Variants in GPC6 observed in about 807,000 individuals in gnomAD.
GPC6 encodes the protein glypican 6.
In GPC6, 14 loss-of-function variants were observed where a neutral mutation model predicts 55.2. The ratio of observed to expected loss-of-function variants is 0.25; its 90% confidence interval spans 0.17 to 0.40. The LOEUF is 0.40. GPC6 is among the 10% of genes least tolerant of loss of function. GPC6 has a pLI of 1.00. For synonymous variants in GPC6, 278 were observed against 259.6 expected (o/e 1.07, Z -0.68); for missense variants, 641 against 708.5 (o/e 0.90, Z 1.08).
At chr13:93,743,391 A>G (rs1420603809) in intron 2 of GPC6, among the ~76,000 whole-genome samples, 2 of 152,226 alleles carry the variant, frequency 1.3e-5, no homozygotes, top group Non-Finnish European at 2.9e-5. Context: ...GGCCAATACT[A>G]TTCATCCTAA....
At chr13:94,252,874 C>T (rs1328180791) in intron 4 of GPC6, among the ~76,000 whole-genome samples, 1 of 151,662 alleles carries the variant, frequency 6.6e-6, no homozygotes, top group Non-Finnish European at 1.5e-5. Context: ...TCTAGAAACC[C>T]CAAGCCTGCT....
intron 2 of GPC6, among the ~76,000 whole-genome samples, chr13:93,713,973 A>G (rs544932098): frequency 2.6e-5 from 4 of 152,028 alleles, no homozygotes; most frequent in Non-Finnish European, 5.9e-5. Flanking sequence ...ACCTCAAACT[A>G]TAAGAACCCT....
At chr13:94,239,338 C>G (rs974110730) in intron 4 of GPC6, among the ~76,000 whole-genome samples, 3 of 152,062 alleles carry the variant, frequency 2.0e-5, no homozygotes, top group African/African-American at 7.2e-5. Flanking sequence ...GTCATTGTCA[C>G]GAGCAAAGGA....
At chr13:93,592,328 G>A (rs759745036) in intron 2 of GPC6, among the ~76,000 whole-genome samples, 2 of 149,276 alleles carry the variant, frequency 1.3e-5, no homozygotes, top group Non-Finnish European at 3.0e-5. Flanking sequence ...GGGATTACAG[G>A]CGTGCGCCCC....
intron 2 of GPC6, among the ~76,000 whole-genome samples, chr13:93,800,735 G>T (rs1417511127): frequency 6.6e-6 from 1 of 152,110 alleles, no homozygotes; most frequent in Non-Finnish European, 1.5e-5. Flanking sequence ...AAAATGTTTT[G>T]TTAAAATAAA....
chr13:94,358,689 G>C (rs76578200), intron 6 of GPC6, among the ~76,000 whole-genome samples: 1 of 152,164 alleles, frequency 6.6e-6, no homozygotes, highest in East Asian at 1.9e-4. Flanking sequence ...TCTGTACTGA[G>C]AGCACATTGT....
At chr13:93,315,432 CATT>C (rs1196655891) in intron 1 of GPC6, among the ~76,000 whole-genome samples, 1 of 151,750 alleles carries the variant, frequency 6.6e-6, no homozygotes, top group East Asian at 1.9e-4. Context: ...CAATTATATT[CATT>C]ATTTATTTTG....
chr13:93,643,470 A>C (rs1880046278), intron 2 of GPC6, among the ~76,000 whole-genome samples: 1 of 152,158 alleles, frequency 6.6e-6, no homozygotes, highest in Non-Finnish European at 1.5e-5. Context: ...CCAAAGCTAA[A>C]TGCTTATATA....
intron 2 of GPC6, among the ~76,000 whole-genome samples, chr13:93,596,113 T>C (rs752190978): frequency 7.9e-5 from 12 of 152,168 alleles, no homozygotes; most frequent in Admixed American, 2.0e-4. Context: ...GGTTAATCTT[T>C]GCCCAATTCT....
intron 3 of GPC6, among the ~76,000 whole-genome samples, chr13:93,890,625 G>A (rs893190813): frequency 3.3e-5 from 5 of 151,704 alleles, no homozygotes; most frequent in African/African-American, 4.8e-5. Context: ...TGATTTCTAT[G>A]CATGATATAC....
chr13:93,797,703 T>C (rs1886242534), intron 2 of GPC6, among the ~76,000 whole-genome samples: 1 of 152,034 alleles, frequency 6.6e-6, no homozygotes, highest in Non-Finnish European at 1.5e-5. Flanking sequence ...AGAGAGAAAG[T>C]AAATGGGGAA....
At chr13:93,905,555 A>G (rs1876619238) in intron 3 of GPC6, among the ~76,000 whole-genome samples, 1 of 152,232 alleles carries the variant, frequency 6.6e-6, no homozygotes, top group Non-Finnish European at 1.5e-5. Flanking sequence ...TATTTGTTCA[A>G]CTTGCATCTA....
chr13:94,271,364 A>G (rs368093559), intron 4 of GPC6, among the ~76,000 whole-genome samples: 1 of 91,784 alleles, frequency 1.1e-5, no homozygotes, highest in Non-Finnish European at 2.2e-5. Context: ...ATACACACAC[A>G]CACGCGCGCG....
At chr13:93,295,654 TG>T (rs1452902034) in intron 1 of GPC6, among the ~76,000 whole-genome samples, 1 of 152,048 alleles carries the variant, frequency 6.6e-6, no homozygotes, top group Admixed American at 6.5e-5. Flanking sequence ...GTAATTTTTT[TG>T]TATTTTTAGT....
At chr13:93,576,711 C>T (rs751901857) in intron 2 of GPC6, among the ~76,000 whole-genome samples, 25 of 152,064 alleles carry the variant, frequency 1.6e-4, no homozygotes, top group African/African-American at 3.6e-4. Context: ...ATGACCTTCA[C>T]GGTTCTTAAT....
At chr13:94,289,399 C>T (rs1396925975) in intron 5 of GPC6, among the ~76,000 whole-genome samples, 1 of 152,090 alleles carries the variant, frequency 6.6e-6, no homozygotes, top group African/African-American at 2.4e-5. Context: ...AAAAGAGCTC[C>T]TTTTTTAGGA....
At chr13:93,779,708 G>A (rs1401408825) in intron 2 of GPC6, among the ~76,000 whole-genome samples, 1 of 152,004 alleles carries the variant, frequency 6.6e-6, no homozygotes, top group Non-Finnish European at 1.5e-5. Flanking sequence ...TTTTTCATAT[G>A]GGCCAGTTCT....
chr13:93,752,287 A>G (rs1398915766), intron 2 of GPC6, among the ~76,000 whole-genome samples: 1 of 152,112 alleles, frequency 6.6e-6, no homozygotes, highest in East Asian at 1.9e-4. Context: ...TGCAATATGC[A>G]CTTCCAGCAG....
chr13:94,335,880 G>T (rs948520884), intron 6 of GPC6, among the ~76,000 whole-genome samples: 1 of 148,242 alleles, frequency 6.7e-6, no homozygotes, highest in African/African-American at 2.5e-5. Context: ...GAAAGACCCT[G>T]CTCTCTTCAC....
Sources: allele counts gnomAD v4.1 joint callset (sites outside exome capture counted in the v4.1 genomes callset), GRCh38; gene constraint gnomAD v4.1.1; transcripts MANE v1.5; gene names NCBI Gene and HGNC (gene_info 2026-07-23, HGNC 2026-07-21).